Variants in GALNT13 observed in about 807,000 individuals in gnomAD.
GALNT13 encodes the protein polypeptide N-acetylgalactosaminyltransferase 13, also known as UDP-GalNAc:polypeptide N-acetylgalactosaminyltransferase 13.
GALNT13 carries 28 observed loss-of-function variants against 64.2 expected under a neutral mutation model. That is an observed-to-expected ratio of 0.44 (90% CI 0.32 to 0.60). The LOEUF is 0.60. Ranked by LOEUF, GALNT13 falls within the 20% of genes least tolerant of loss-of-function variation. The pLI is 0.05. For synonymous variants in GALNT13, 214 were observed against 224.6 expected (o/e 0.95, Z 0.42); for missense variants, 577 against 669.8 (o/e 0.86, Z 1.53).
At chr2:153,147,115 C>T in the GALNT13 span, among the ~76,000 whole-genome samples, 12 of 151,584 alleles carry the variant, frequency 7.9e-5, no homozygotes, top group Non-Finnish European at 1.6e-4. Flanking sequence ...TTTCCCAGCA[C>T]GTGCAGCTAA....
At chr2:153,191,385 G>C in the GALNT13 span, among the ~76,000 whole-genome samples, 1 of 152,068 alleles carries the variant, frequency 6.6e-6, no homozygotes, top group Non-Finnish European at 1.5e-5. Flanking sequence ...GCATATGTAG[G>C]TTGAGCTATC....
At chr2:154,198,058 T>G (rs141241098) in intron 4 of GALNT13, among the ~76,000 whole-genome samples, 2 of 152,086 alleles carry the variant, frequency 1.3e-5, no homozygotes, top group Non-Finnish European at 2.9e-5. Context: ...AGACATAACA[T>G]TGAAGAAAAA....
chr2:154,298,573 A>ACAATGTATATATAAATTATATATAC (rs1693117050), intron 8 of GALNT13, among the ~76,000 whole-genome samples: 2 of 10,972 alleles, frequency 1.8e-4, no homozygotes, highest in African/African-American at 4.2e-4. Flanking sequence ...TTTATATATA[A>ACAATGTATATATAAATTATATATAC]ATTGTATATA....
the GALNT13 span, among the ~76,000 whole-genome samples, chr2:153,460,593 A>T: frequency 6.6e-6 from 1 of 152,196 alleles, no homozygotes; most frequent in Non-Finnish European, 1.5e-5. Context: ...GTTATGAGTT[A>T]TATATACAAA....
intron 2 of GALNT13, among the ~76,000 whole-genome samples, chr2:153,920,683 GAACA>G (rs544598433): frequency 5.9e-4 from 90 of 152,156 alleles, no homozygotes; most frequent in African/African-American, 2.0e-3. Flanking sequence ...ACTATCAACA[GAACA>G]AACAGACAAT....
At chr2:154,065,206 T>G (rs1700399506) in intron 3 of GALNT13, among the ~76,000 whole-genome samples, 2 of 152,112 alleles carry the variant, frequency 1.3e-5, no homozygotes, top group Non-Finnish European at 2.9e-5. Flanking sequence ...CCAGCTCAGC[T>G]GCAGTAGAAT....
At chr2:153,148,640 TAGAA>T in the GALNT13 span, among the ~76,000 whole-genome samples, 1 of 151,640 alleles carries the variant, frequency 6.6e-6, no homozygotes, top group Admixed American at 6.6e-5. Flanking sequence ...AAGGCAAAAT[TAGAA>T]AGGGAAAAAA....
chr2:154,002,897 T>C (rs1421330260), intron 3 of GALNT13, among the ~76,000 whole-genome samples: 1 of 152,204 alleles, frequency 6.6e-6, no homozygotes, highest in African/African-American at 2.4e-5. Flanking sequence ...CAGAACTTAC[T>C]CACTGCCCTT....
In GALNT13 at chr2:154,010,737, G is replaced by A. The variant is rs144906082; in HGVS notation, c.142+66098G>A. ...GGTCCAGGACTTTTTCTGCTTGTTAGGCTTTTTACTACTCATTTATTTTTG... is the reference window on the plus strand; with the variant it reads ...GGTCCAGGACTTTTTCTGCTTGTTAAGCTTTTTACTACTCATTTATTTTTG... On this transcript the variant is annotated intron_variant, in intron 3 of 12. Coordinates refer to ENST00000392825, the MANE Select transcript of GALNT13 (RefSeq NM_052917.4). Among the ~76,000 whole-genome samples, 369 of 151,900 alleles carry A rather than the reference G, an allele frequency of 2.4e-3. 9 individuals are homozygous for A. In the East Asian group the frequency reaches 0.055, roughly 23 times the overall value.
the GALNT13 span, among the ~76,000 whole-genome samples, chr2:153,790,888 C>G: frequency 1.3e-5 from 2 of 152,038 alleles, no homozygotes; most frequent in African/African-American, 4.8e-5. Context: ...AGGAATACAG[C>G]TAACTATGGA....
In GALNT13 at chr2:153,883,826, G is replaced by T. The variant is rs544268801; in HGVS notation, c.-177+11523G>T. On this transcript the variant is annotated intron_variant, in intron 1 of 12. Coordinates refer to ENST00000392825, the MANE Select transcript of GALNT13 (RefSeq NM_052917.4). ...GGAAAATAACCATAGGACTTTAGTT[G>T]GCTCCAAAATGAATAATATTTTTAT... Among the ~76,000 whole-genome samples, 10 of 152,090 alleles carry T rather than the reference G, an allele frequency of 6.6e-5. No homozygotes were observed. The East Asian group carries it at 1.9e-3, about 29-fold the overall frequency.
intron 9 of GALNT13, among the ~76,000 whole-genome samples, chr2:154,367,060 TAAAC>T (rs962414188): frequency 2.0e-5 from 3 of 152,082 alleles, no homozygotes; most frequent in African/African-American, 7.3e-5. Flanking sequence ...TTTAGTTAAA[TAAAC>T]TCCTTTTTTA....
chr2:154,380,752 G>T (rs955982787), intron 9 of GALNT13, among the ~76,000 whole-genome samples: 2 of 151,956 alleles, frequency 1.3e-5, no homozygotes, highest in Non-Finnish European at 1.5e-5. Context: ...GGCCTAGCTG[G>T]GGCCTCTGCT....
intron 11 of GALNT13, among the ~76,000 whole-genome samples, chr2:154,414,483 G>T (rs946937988): frequency 1.3e-5 from 2 of 148,874 alleles, no homozygotes; most frequent in Non-Finnish European, 3.0e-5. Flanking sequence ...GATTATAATC[G>T]CAGTGGCCAA....
intron 3 of GALNT13, among the ~76,000 whole-genome samples, chr2:154,084,596 ACT>A (rs1036806957): frequency 6.6e-6 from 1 of 151,758 alleles, no homozygotes; most frequent in Non-Finnish European, 1.5e-5. Context: ...ATGCTGAAAA[ACT>A]CATATTAAAA....
At chr2:154,234,568 A>G (rs369309233) in intron 4 of GALNT13, among the ~76,000 whole-genome samples, 42 of 152,070 alleles carry the variant, frequency 2.8e-4, no homozygotes, top group African/African-American at 8.7e-4. Context: ...TTGCAAACTC[A>G]TTTTCATATA....
the GALNT13 span, among the ~76,000 whole-genome samples, chr2:153,393,880 T>C: frequency 6.6e-6 from 1 of 151,802 alleles, no homozygotes; most frequent in Non-Finnish European, 1.5e-5. Context: ...AGATTTTGAA[T>C]TTACCACCCT....
chr2:154,043,029 C>G (rs1420337078), intron 3 of GALNT13, among the ~76,000 whole-genome samples: 1 of 151,934 alleles, frequency 6.6e-6, no homozygotes, highest in Non-Finnish European at 1.5e-5. Flanking sequence ...GAGGAAGTTT[C>G]ACTTGAGCTG....
chr2:154,394,791 A>G (rs1698979196), intron 9 of GALNT13, among the ~76,000 whole-genome samples: 1 of 152,204 alleles, frequency 6.6e-6, no homozygotes. Flanking sequence ...CTGCCCAAAC[A>G]CCAGCTAGGA....
Sources: gnomAD v4.1 joint callset for allele counts (sites outside exome capture counted in the v4.1 genomes callset) on GRCh38, gnomAD v4.1.1 for gene constraint, MANE v1.5 for transcripts, NCBI Gene and HGNC (gene_info 2026-07-23, HGNC 2026-07-21) for gene names.